Variants in ASAP1 observed in about 807,000 individuals in gnomAD.
ASAP1 encodes the protein ArfGAP with SH3 domain, ankyrin repeat and PH domain 1.
A neutral mutation model predicts 145.2 loss-of-function variants in ASAP1; 43 were observed. The observed-to-expected ratio is 0.30, with a 90% CI of 0.23 to 0.38. The LOEUF is 0.38. Ranked by LOEUF, ASAP1 falls within the 10% of genes least tolerant of loss-of-function variation. The probability of loss-of-function intolerance (pLI) is 1.00; values close to 1 mark genes in which losing one functional copy is unlikely to be tolerated. For synonymous variants in ASAP1, 546 were observed against 515.5 expected, an observed-to-expected ratio of 1.06 and a Z score of -0.80; for missense variants, 1,018 against 1,355.3, an observed-to-expected ratio of 0.75 and a Z score of 3.91.
intron 3 of ASAP1, among the ~76,000 whole-genome samples, chr8:130,343,481 A>G (rs1367880067): frequency 1.3e-5 from 2 of 152,182 alleles, no homozygotes; most frequent in African/African-American, 4.8e-5. Flanking sequence ...TTTTGGAGAA[A>G]CTTAAATCGA....
chr8:130,326,372 C>A (rs955864618), intron 3 of ASAP1, among the ~76,000 whole-genome samples: 1 of 152,246 alleles, frequency 6.6e-6, no homozygotes, highest in African/African-American at 2.4e-5. Context: ...CACTTTCCTA[C>A]AACTTTTATA....
At chr8:130,282,211 A>T (rs1482204493) in intron 3 of ASAP1, among the ~76,000 whole-genome samples, 1 of 152,226 alleles carries the variant, frequency 6.6e-6, no homozygotes, top group East Asian at 1.9e-4. Context: ...AGTGTCTAAA[A>T]TCCTGCAAGT....
intron 27 of ASAP1, among the ~76,000 whole-genome samples, chr8:130,072,249 C>T (rs2097448216): frequency 6.6e-6 from 1 of 152,116 alleles, no homozygotes; most frequent in African/African-American, 2.4e-5. Flanking sequence ...TGGCTGTGTC[C>T]CCACCCAAAT....
At chr8:130,293,127 G>A (rs1822046359) in intron 3 of ASAP1, among the ~76,000 whole-genome samples, 1 of 152,138 alleles carries the variant, frequency 6.6e-6, no homozygotes, top group South Asian at 2.1e-4. Context: ...CTACAGAATT[G>A]CCCTTTCTTT....
At position 130,123,485 on chromosome 8, in the gene ASAP1, C is replaced by G. The variant is rs1268374014; in HGVS notation, c.1607+528G>C. ...CAGAGCAGGTGCGCAGCTGCAACAA[C>G]CTAGGGGAAGGTGAGGGTGAAAAGA... is the stretch of plus-strand genomic sequence containing the variant. On this transcript the variant is annotated intron_variant, in intron 18 of 29. Coordinates refer to ENST00000518721, the MANE Select transcript of ASAP1 (RefSeq NM_018482.4). Among the ~76,000 whole-genome samples, 3 of 152,112 alleles carry G rather than the reference C, an allele frequency of 2.0e-5. No individual in the cohort carries two copies. In the South Asian group the frequency reaches 6.2e-4, roughly 31 times the overall value.
At chr8:130,436,901 G>A (rs544400072) in intron 1 of ASAP1, among the ~76,000 whole-genome samples, 10 of 152,194 alleles carry the variant, frequency 6.6e-5, no homozygotes, top group African/African-American at 2.4e-4. Flanking sequence ...AAGGTCAGGA[G>A]TTCAAGACTA....
chr8:130,286,459 G>T (rs1438373793), intron 3 of ASAP1, among the ~76,000 whole-genome samples: 1 of 152,202 alleles, frequency 6.6e-6, no homozygotes, highest in African/African-American at 2.4e-5. Context: ...ACAGCAGCTA[G>T]AGAACTCCTT....
At chr8:130,085,314 A>C (rs2097490184) in intron 25 of ASAP1, among the ~76,000 whole-genome samples, 1 of 152,124 alleles carries the variant, frequency 6.6e-6, no homozygotes, top group African/African-American at 2.4e-5. Flanking sequence ...TTTGTTACTC[A>C]TTTTGTGGAG....
intron 3 of ASAP1, among the ~76,000 whole-genome samples, chr8:130,296,764 GAA>G (rs200994455): frequency 1.8e-4 from 25 of 142,766 alleles, no homozygotes; most frequent in African/African-American, 4.3e-4. Flanking sequence ...TAGTTTAAAA[GAA>G]AAAAAAAAAA....
Position 130,092,083 on chromosome 8 carries a change from G to A in ASAP1, c.2462C>T (p.Thr821Ile), listed in dbSNP as rs768720555. ...LSTQTSSGSS[T>I]LSKKRPPPPP... ...GGGAGGAGGCCTCTTCTTGGATAGG[G>A]TGGAGCTGCCACTAGAGGTCTGGGT... The change falls in exon 25 of 30, where the codon ACC (threonine) becomes ATC (isoleucine). Residue 821 changes from threonine to isoleucine, a missense_variant. Physicochemically the swap from Thr to Ile is moderately conservative, Grantham distance 89. Coordinates refer to ENST00000518721, the MANE Select transcript of ASAP1 (RefSeq NM_018482.4). The A allele has an allele frequency of 6.4e-7, 1 of 1,571,460 alleles. No individual in the cohort carries two copies. The highest frequency in any genetic ancestry group is 8.6e-7 in the Non-Finnish European group (1 of 1,164,270).
chr8:130,054,746 A>G lies in ASAP1; in HGVS notation c.3375T>C (p.His1125=), dbSNP rs757605426. Residue 1125 remains histidine (H), a synonymous_variant, in exon 30 of 30, where the codon CAT becomes CAC. Coordinates refer to ENST00000518721, the MANE Select transcript of ASAP1 (RefSeq NM_018482.4). Reference sequence around the variant, plus strand: ...CTGCGTTTTGCTAGTCAGACAGGATATGAACAAAGGACACTGGAAAGACCC... The same window carrying G: ...CTGCGTTTTGCTAGTCAGACAGGATGTGAACAAAGGACACTGGAAAGACCC... ...RKGVFPVSFV[H]ILSD is the part of the protein sequence containing the mutation. The G allele has an allele frequency of 1.2e-6, 2 of 1,613,596 alleles. No homozygotes were observed. The highest frequency in any genetic ancestry group is 1.1e-5 in the South Asian group (1 of 91,088).
At chr8:130,385,961 C>T (rs571885161) in intron 2 of ASAP1, among the ~76,000 whole-genome samples, 3 of 152,296 alleles carry the variant, frequency 2.0e-5, no homozygotes, top group African/African-American at 7.2e-5. Flanking sequence ...ATGGGCTTGT[C>T]CAATCAGAAT....
chr8:130,426,765 G>T (rs575678099), intron 1 of ASAP1, among the ~76,000 whole-genome samples: 8 of 152,170 alleles, frequency 5.3e-5, no homozygotes, highest in Middle Eastern at 6.8e-3. Context: ...AAGCCTCCTT[G>T]AACACCCCAT....
intron 3 of ASAP1, among the ~76,000 whole-genome samples, chr8:130,291,818 CTG>C (rs1378505436): frequency 6.6e-6 from 1 of 152,186 alleles, no homozygotes; most frequent in African/African-American, 2.4e-5. Context: ...GTTCTCCAAA[CTG>C]TGGAAACTTG....
chr8:130,236,500 CT>C (rs972872113), intron 4 of ASAP1, among the ~76,000 whole-genome samples: 3 of 152,042 alleles, frequency 2.0e-5, no homozygotes, highest in African/African-American at 7.2e-5. Context: ...ACTTTGCCCC[CT>C]CCTCTCTAAC....
At chr8:130,118,721 A>C (rs2097560524) in intron 18 of ASAP1, 46 bp from the exon 19 acceptor site, 1 of 1,295,582 alleles carries the variant, frequency 7.7e-7, no homozygotes, top group Non-Finnish European at 1.0e-6. Context: ...AAGTGCTAGG[A>C]AAGGTTTACA....
At chr8:130,126,192 T>C (rs1056015920) in intron 16 of ASAP1, 103 bp from the exon 17 acceptor site, 5 of 1,107,722 alleles carry the variant, frequency 4.5e-6, no homozygotes, top group Middle Eastern at 2.1e-4. Context: ...TTAAGAACTA[T>C]GAAGAAAAGA....
intron 10 of ASAP1, among the ~76,000 whole-genome samples, chr8:130,168,072 C>T (rs555528791): frequency 3.3e-5 from 5 of 152,068 alleles, no homozygotes; most frequent in South Asian, 2.1e-4. Context: ...TTTTTAACCA[C>T]TTGGGACTTA....
At chr8:130,398,517 GGTAAGA>G (rs966785382) in intron 2 of ASAP1, among the ~76,000 whole-genome samples, 16 of 152,234 alleles carry the variant, frequency 1.1e-4, no homozygotes, top group East Asian at 3.9e-4. Flanking sequence ...CAGCAGTCAT[GGTAAGA>G]GTAAAAGTAT....
Sources: gnomAD v4.1 joint callset for allele counts (sites outside exome capture counted in the v4.1 genomes callset) on GRCh38, gnomAD v4.1.1 for gene constraint, MANE v1.5 for transcripts, NCBI Gene and HGNC (gene_info 2026-07-23, HGNC 2026-07-21) for gene names.